SORCS2: variants seen among roughly 807,000 people sequenced by gnomAD.
SORCS2 encodes the protein VPS10 domain-containing receptor SorCS2.
In SORCS2, 100 loss-of-function variants were observed where a neutral mutation model predicts 141.6. The observed-to-expected ratio is 0.71, with a 90% CI of 0.60 to 0.83. The LOEUF (loss-of-function observed/expected upper bound fraction) is 0.83. SORCS2 is among the 40% of genes least tolerant of loss of function. The probability of loss-of-function intolerance (pLI) is 0.00; values close to 1 mark genes in which losing one functional copy is unlikely to be tolerated. For synonymous variants in SORCS2, 789 were observed against 676.9 expected (o/e 1.17, Z -2.57); for missense variants, 1,646 against 1,560.2 (o/e 1.05, Z -0.93).
intron 2 of SORCS2, among the ~76,000 whole-genome samples, chr4:7,479,577 A>T (rs1001843479): frequency 1.4e-4 from 22 of 151,854 alleles, no homozygotes; most frequent in African/African-American, 5.1e-4. Context: ...GGAGCCCCCT[A>T]CCCCTGCTGT....
At chr4:7,206,425 G>A (rs907625223) in intron 1 of SORCS2, among the ~76,000 whole-genome samples, 15 of 152,176 alleles carry the variant, frequency 9.9e-5, no homozygotes, top group African/African-American at 3.4e-4. Context: ...GGGGAGAGTC[G>A]AGTCCCTCTG....
chr4:7,481,929 T>C (rs11937662), intron 2 of SORCS2, among the ~76,000 whole-genome samples: 25,915 of 71,478 alleles, frequency 0.36, 3,508 homozygotes, highest in East Asian at 0.56. Context: ...ACCCCTGACG[T>C]TGTTCAGACC....
intron 1 of SORCS2, among the ~76,000 whole-genome samples, chr4:7,223,287 G>A (rs1728814839): frequency 9.8e-6 from 1 of 102,488 alleles, no homozygotes; most frequent in Admixed American, 9.9e-5. Context: ...GGACCTTAGT[G>A]TATATGCGCA....
chr4:7,269,981 G>A (rs1715007180), intron 1 of SORCS2, among the ~76,000 whole-genome samples: 2 of 152,242 alleles, frequency 1.3e-5, no homozygotes, highest in African/African-American at 2.4e-5. Context: ...CTGGGGTCAA[G>A]CGATTTTCCT....
intron 2 of SORCS2, among the ~76,000 whole-genome samples, chr4:7,407,688 T>C (rs1039916189): frequency 2.6e-5 from 4 of 152,110 alleles, no homozygotes; most frequent in African/African-American, 9.7e-5. Flanking sequence ...AGTACTATTA[T>C]TCATAAGTAA....
At chr4:7,613,355 C>A (rs529490072) in intron 3 of SORCS2, among the ~76,000 whole-genome samples, 2 of 152,232 alleles carry the variant, frequency 1.3e-5, no homozygotes, top group African/African-American at 4.8e-5. Flanking sequence ...GTCTGTTCAG[C>A]GGGGCTCTGC....
chr4:7,288,167 C>A (rs1238520138), intron 1 of SORCS2, among the ~76,000 whole-genome samples: 5 of 152,158 alleles, frequency 3.3e-5, no homozygotes, highest in Non-Finnish European at 7.3e-5. Context: ...GTGGGACGTG[C>A]GGTGGCTCAG....
chr4:7,509,202 C>T (rs1440846154), intron 2 of SORCS2, among the ~76,000 whole-genome samples: 3 of 152,018 alleles, frequency 2.0e-5, no homozygotes, highest in Non-Finnish European at 4.4e-5. Context: ...GCATTCGCTG[C>T]CCCCCCAGAG....
chr4:7,467,219 G>A (rs185526938), intron 2 of SORCS2, among the ~76,000 whole-genome samples: 15 of 152,302 alleles, frequency 9.8e-5, no homozygotes, highest in Admixed American at 3.9e-4. Context: ...GTTGGAAGCT[G>A]CCAGACATGG....
chr4:7,710,175 G>A (rs1725733099), intron 14 of SORCS2, among the ~76,000 whole-genome samples: 1 of 152,118 alleles, frequency 6.6e-6, no homozygotes, highest in South Asian at 2.1e-4. Flanking sequence ...GACCAATGGA[G>A]CCCCAGTGTC....
chr4:7,433,835 G>GCACCAAGGAGGGGCTGTAGGTGTC (rs777278953), intron 2 of SORCS2: 1 of 1,613,876 alleles, frequency 6.2e-7, no homozygotes, highest in South Asian at 1.1e-5. Flanking sequence ...GCCACAAGCT[G>GCACCAAGGAGGGGCTGTAGGTGTC]CACCAAGGAG....
intron 5 of SORCS2, among the ~76,000 whole-genome samples, chr4:7,659,937 T>C (rs1421633982): frequency 6.6e-6 from 1 of 152,258 alleles, no homozygotes; most frequent in Non-Finnish European, 1.5e-5. Context: ...ACCTGGGTAG[T>C]GGATCTTGCT....
At chr4:7,738,070 CT>C (rs1712342294) in intron 26 of SORCS2, among the ~76,000 whole-genome samples, 1 of 152,254 alleles carries the variant, frequency 6.6e-6, no homozygotes, top group Non-Finnish European at 1.5e-5. Context: ...TACGCTGTCA[CT>C]TGTGTCTTGC....
intron 1 of SORCS2, among the ~76,000 whole-genome samples, chr4:7,290,789 TG>T (rs1384061163): frequency 6.9e-6 from 1 of 144,910 alleles, no homozygotes; most frequent in East Asian, 2.0e-4. Flanking sequence ...CTGCAGAGGC[TG>T]CATTCTTTCA....
chr4:7,264,434 C>T (rs1035026402), intron 1 of SORCS2, among the ~76,000 whole-genome samples: 2 of 152,118 alleles, frequency 1.3e-5, no homozygotes, highest in African/African-American at 4.8e-5. Flanking sequence ...GCTGGCCTGG[C>T]CTTAGGTGTC....
At chr4:7,399,876 G>A (rs780695788) in intron 2 of SORCS2, among the ~76,000 whole-genome samples, 1 of 152,170 alleles carries the variant, frequency 6.6e-6, no homozygotes, top group Non-Finnish European at 1.5e-5. Context: ...CCCCGGGAGA[G>A]GATCTGGTAC....
At position 7,336,501 on chromosome 4, in the gene SORCS2, G is replaced by T. The variant is rs546415062; in HGVS notation, c.481-59787G>T. Among the ~76,000 whole-genome samples, 9 of 122,530 alleles carry T rather than the reference G, an allele frequency of 7.3e-5. 1 individual carries two copies. The highest frequency in any genetic ancestry group is 6.9e-4 in the Admixed American group (9 of 13,056). The allele number at this position is 122,530 out of a possible 152,430, so 80.4% of individuals were successfully genotyped here. A position where few individuals can be genotyped will look rare whatever the true frequency, so the allele number is the denominator to read the frequency against. On this transcript the variant is annotated intron_variant, in intron 1 of 26. Transcript: ENST00000507866. ...CTCCTGTTCGCATCTTGGTGGAAGCGCCAGTAGCACCTTGGGTGAGCCGTG... is the reference window on the plus strand; with the variant it reads ...CTCCTGTTCGCATCTTGGTGGAAGCTCCAGTAGCACCTTGGGTGAGCCGTG...
At chr4:7,604,276 G>C (rs1042681820) in intron 3 of SORCS2, among the ~76,000 whole-genome samples, 1 of 152,190 alleles carries the variant, frequency 6.6e-6, no homozygotes, top group Non-Finnish European at 1.5e-5. Context: ...TGCTGTTCTC[G>C]TGGTAGTGAG....
intron 1 of SORCS2, among the ~76,000 whole-genome samples, chr4:7,248,812 C>T (rs917568683): frequency 3.3e-5 from 5 of 152,160 alleles, no homozygotes; most frequent in East Asian, 3.9e-4. Context: ...GAATTCCATT[C>T]GTGGCCTGAG....
Sources: allele counts gnomAD v4.1 joint callset (sites outside exome capture counted in the v4.1 genomes callset), GRCh38; gene constraint gnomAD v4.1.1; transcripts MANE v1.5; gene names NCBI Gene and HGNC (gene_info 2026-07-23, HGNC 2026-07-21).